PTGR1: variants seen among roughly 807,000 people sequenced by gnomAD.
PTGR1 encodes 15-oxoprostaglandin 13-reductase.
Under a neutral mutation model 37.7 loss-of-function variants are expected in PTGR1, and 23 were observed. The observed-to-expected ratio is 0.61, with a 90% CI of 0.44 to 0.86. The LOEUF (loss-of-function observed/expected upper bound fraction) is 0.86, where lower values mean the gene tolerates loss of function less well. Ranked by LOEUF, PTGR1 falls within the 40% of genes least tolerant of loss-of-function variation. The probability of loss-of-function intolerance (pLI) is 0.00; values close to 1 mark genes in which losing one functional copy is unlikely to be tolerated. For missense variants in PTGR1, 351 were observed against 394.3 expected, an observed-to-expected ratio of 0.89 and a Z score of 0.93; for synonymous variants, 134 against 140.0, an observed-to-expected ratio of 0.96 and a Z score of 0.30.
Position 111,570,071 on chromosome 9 carries a change from G to T in PTGR1, c.879+20C>A, listed in dbSNP as rs748101500. 12 of 1,613,736 alleles carry T rather than the reference G, an allele frequency of 7.4e-6. No homozygotes were observed. The Admixed American group carries it at 1.8e-4, about 25-fold the overall frequency. On this transcript the variant is annotated intron_variant, in intron 9 of 9. Transcript: ENST00000407693. ...GTGACCTAGTGTACAATTGGAAGGG[G>T]TGGCTCCGGAGCTCCTTACCTCTAA...
downstream of PTGR1, among the ~76,000 whole-genome samples, chr9:111,558,146 C>T (rs1336791069): frequency 6.6e-6 from 1 of 150,998 alleles, no homozygotes; most frequent in Non-Finnish European, 1.5e-5. Context: ...AACTCTGTCT[C>T]GGAAAAAAAA....
chr9:111,554,695 C>CAAA (rs1486369020), intron 9 of PTGR1, among the ~76,000 whole-genome samples: 1 of 152,186 alleles, frequency 6.6e-6, no homozygotes, highest in Non-Finnish European at 1.5e-5. Flanking sequence ...CAAGAGGTTT[C>CAAA]ATCAGGCTAC....
intron 7 of PTGR1, chr9:111,576,570 A>G (rs948946813): frequency 5.4e-5 from 45 of 827,428 alleles, no homozygotes; most frequent in Middle Eastern, 5.3e-4. Flanking sequence ...GCCATAGGCA[A>G]GTTACTTAAC....
At chr9:111,594,963 T>C (rs931318634) in intron 2 of PTGR1, among the ~76,000 whole-genome samples, 1 of 150,498 alleles carries the variant, frequency 6.6e-6, no homozygotes, top group Non-Finnish European at 1.5e-5. Context: ...CAAGTGATTC[T>C]CATGCCTCAG....
chr9:111,557,190 G>A (rs536348220), intron 9 of PTGR1, among the ~76,000 whole-genome samples: 9 of 152,066 alleles, frequency 5.9e-5, no homozygotes, highest in Admixed American at 2.6e-4. Context: ...AATGGCTAAC[G>A]GGGTGAAACT....
intron 4 of PTGR1, among the ~76,000 whole-genome samples, chr9:111,588,714 C>T (rs1003194516): frequency 4.6e-5 from 7 of 151,546 alleles, no homozygotes; most frequent in East Asian, 2.0e-4. Flanking sequence ...TTAGTAGAGA[C>T]GAGGTTTCAC....
At chr9:111,578,420 C>T (rs1279900057) in intron 7 of PTGR1, among the ~76,000 whole-genome samples, 1 of 152,166 alleles carries the variant, frequency 6.6e-6, no homozygotes, top group South Asian at 2.1e-4. Flanking sequence ...ACGGTCCCAT[C>T]TGGGGGTGAT....
chr9:111,571,913 G>A (rs776558173), intron 8 of PTGR1, among the ~76,000 whole-genome samples: 4 of 152,174 alleles, frequency 2.6e-5, no homozygotes, highest in African/African-American at 7.2e-5. Flanking sequence ...CCTGCAGCCT[G>A]TAAAGAAGAT....
At chr9:111,553,134 A>G (rs1356199285) in intron 9 of PTGR1, among the ~76,000 whole-genome samples, 1 of 152,236 alleles carries the variant, frequency 6.6e-6, no homozygotes, top group Non-Finnish European at 1.5e-5. Context: ...GGTTGCTAAA[A>G]ATTACATGTC....
At chr9:111,560,122 G>A (rs559923757), downstream of PTGR1, among the ~76,000 whole-genome samples, 15 of 151,616 alleles carry the variant, frequency 9.9e-5, no homozygotes, top group Admixed American at 5.3e-4. Context: ...TAGGTGGGTG[G>A]ATCACCTGAG....
chr9:111,557,928 C>G (rs982280196), downstream of PTGR1, among the ~76,000 whole-genome samples: 2 of 152,102 alleles, frequency 1.3e-5, no homozygotes, highest in African/African-American at 2.4e-5. Flanking sequence ...GCAGGCAGAT[C>G]ATGAGGTTAA....
At chr9:111,557,911 G>A (rs1828170131), downstream of PTGR1, among the ~76,000 whole-genome samples, 1 of 152,170 alleles carries the variant, frequency 6.6e-6, no homozygotes, top group Admixed American at 6.5e-5. Flanking sequence ...CGCTTTGGGA[G>A]GCCAAGGCAG....
chr9:111,553,444 A>C (rs1828030788), intron 9 of PTGR1, among the ~76,000 whole-genome samples: 1 of 152,192 alleles, frequency 6.6e-6, no homozygotes, highest in Non-Finnish European at 1.5e-5. Flanking sequence ...TGATTTACAT[A>C]GGTATCACTG....
intron 7 of PTGR1, 118 bp from the exon 8 acceptor site, chr9:111,574,960 A>T (rs1828994641): frequency 1.3e-6 from 1 of 780,754 alleles, no homozygotes; most frequent in South Asian, 1.8e-5. Flanking sequence ...AACTGACTGA[A>T]TTAGCCCAAC....
At chr9:111,567,455 G>A (rs964535123) in intron 9 of PTGR1, among the ~76,000 whole-genome samples, 2 of 152,152 alleles carry the variant, frequency 1.3e-5, no homozygotes, top group Non-Finnish European at 2.9e-5. Flanking sequence ...AAAGTGCTGG[G>A]ATTACAAGTG....
downstream of PTGR1, among the ~76,000 whole-genome samples, chr9:111,558,824 A>C (rs1828195599): frequency 6.6e-6 from 1 of 152,184 alleles, no homozygotes. Context: ...TTCCAATCTA[A>C]CACCACAAGG....
chr9:111,554,476 C>CA lies in PTGR1; in HGVS notation c.880-4678dup, dbSNP rs1828063491. On this transcript the variant is annotated intron_variant, in intron 9 of 9. Coordinates refer to the PTGR1 transcript ENST00000538962. Reference sequence around the variant, plus strand: ...TCTTTCTTCCCACACTTAATGCATACAGTAGCCCCCTTATCCATGGGGGAT... The same window carrying CA: ...TCTTTCTTCCCACACTTAATGCATACAAGTAGCCCCCTTATCCATGGGGGAT... 2.0e-5 allele frequency among the ~76,000 whole-genome samples: 3 copies of CA among 152,310 alleles called. No individual in the cohort carries two copies. The South Asian group carries it at 6.2e-4, about 32-fold the overall frequency.
At chr9:111,591,184 G>A (rs1156291524) in intron 4 of PTGR1, among the ~76,000 whole-genome samples, 14 of 151,474 alleles carry the variant, frequency 9.2e-5, no homozygotes. Context: ...CCAGCTACTT[G>A]GGAGGCTGAG....
At chr9:111,570,028 T>C in intron 9 of PTGR1, 63 bp downstream of exon 9, 1 of 1,604,126 alleles carries the variant, frequency 6.2e-7, no homozygotes. Flanking sequence ...AACAAAAGCC[T>C]TGAGAGGCAA....
Sources: gnomAD v4.1 joint callset for allele counts (sites outside exome capture counted in the v4.1 genomes callset) on GRCh38, gnomAD v4.1.1 for gene constraint, MANE v1.5 for transcripts, NCBI Gene and HGNC (gene_info 2026-07-23, HGNC 2026-07-21) for gene names.